Variants in FAT3 observed in about 807,000 individuals in gnomAD.
FAT3 encodes the protein protocadherin Fat 3.
A neutral mutation model predicts 310.2 loss-of-function variants in FAT3; 95 were observed. The ratio of observed to expected loss-of-function variants is 0.31; its 90% CI spans 0.26 to 0.36. The LOEUF is 0.36. FAT3 is among the 10% of genes least tolerant of loss of function. The probability of loss-of-function intolerance (pLI) is 1.00; values close to 1 mark genes in which losing one functional copy is unlikely to be tolerated. For synonymous variants in FAT3, 2,314 were observed against 2,192.9 expected (o/e 1.06, Z -1.54); for missense variants, 5,408 against 5,715.6 (o/e 0.95, Z 1.74).
At chr11:92,541,107 T>A (rs1954435124) in intron 3 of FAT3, among the ~76,000 whole-genome samples, 1 of 152,218 alleles carries the variant, frequency 6.6e-6, no homozygotes, top group African/African-American at 2.4e-5. Flanking sequence ...ACTCATTCAT[T>A]TATTCGCTCA....
rs2136411633 is a variant in FAT3 at position 92,882,971 on chromosome 11, T to A, written c.12515T>A (p.Phe4172Tyr). 1 of 1,613,918 alleles carries A rather than the reference T, an allele frequency of 6.2e-7. No individual in the cohort carries two copies. The highest frequency in any genetic ancestry group is 8.5e-7 in the Non-Finnish European group (1 of 1,179,852). Residue 4172 changes from phenylalanine (F) to tyrosine (Y), a missense_variant, in exon 24 of 28, where the codon TTC (phenylalanine) becomes TAC (tyrosine). Physicochemically the swap from Phe to Tyr is conservative, Grantham distance 22 (BLOSUM62 3). This residue lies in a region of FAT3 where 649 missense variants were observed against 666.2 expected (regional missense o/e 0.97). Transcript: ENST00000525166. ...GTCATCTTCATCCTGGTGGTTCTCT[T>A]CATAGTCTTCCGCAAGAAGGTCTTC... ...LFVIFILVVLFIVFRKKVFRK... is the reference protein window; with the variant it reads ...LFVIFILVVLYIVFRKKVFRK...
chr11:92,587,374 G>C (rs1306804226), intron 3 of FAT3, among the ~76,000 whole-genome samples: 3 of 151,968 alleles, frequency 2.0e-5, no homozygotes, highest in Non-Finnish European at 2.9e-5. Context: ...AAGGTGCTAT[G>C]ATCAATATTC....
intron 1 of FAT3, among the ~76,000 whole-genome samples, chr11:92,323,689 G>A (rs1235485879): frequency 6.7e-6 from 1 of 148,690 alleles, no homozygotes; most frequent in East Asian, 2.0e-4. Flanking sequence ...TTGTTCTATC[G>A]ACAGTGAACA....
chr11:92,482,874 G>A (rs1384981166), intron 2 of FAT3, among the ~76,000 whole-genome samples: 1 of 152,134 alleles, frequency 6.6e-6, no homozygotes, highest in East Asian at 1.9e-4. Context: ...TAGGTTTCTG[G>A]GATTTATAAC....
At chr11:92,784,676 CTTTG>C (rs1264888148) in intron 7 of FAT3, among the ~76,000 whole-genome samples, 2 of 152,126 alleles carry the variant, frequency 1.3e-5, no homozygotes, top group Non-Finnish European at 2.9e-5. Context: ...AGTTACTTTG[CTTTG>C]TTTGTTAGTT....
At position 92,230,718 on chromosome 11, in the gene FAT3, T is replaced by C. The variant is rs185156212; in HGVS notation, c.-18+5544T>C. 2.6e-3 allele frequency among the ~76,000 whole-genome samples: 399 copies of C among 152,354 alleles called. 2 individuals are homozygous for C. The highest frequency in any genetic ancestry group is 9.1e-3 in the African/African-American group (378 of 41,584). The stretch of plus-strand genomic sequence containing the variant: ...GTAAAATATATCCATTGCTTCTGCT[T>C]CGTGCTGTTTATTGAGAAAATGAGA... On this transcript the variant is annotated intron_variant, in intron 1 of 27. Transcript: ENST00000525166.
rs188461065 is a variant in FAT3 at position 92,886,060 on chromosome 11, T to C, written c.12938-940T>C. Among the ~76,000 whole-genome samples the C allele has an allele frequency of 3.3e-4, 50 of 152,344 alleles. 1 individual carries two copies. The Middle Eastern group carries it at 0.024, about 73-fold the overall frequency. On this transcript the variant is annotated intron_variant, in intron 24 of 27. Coordinates refer to ENST00000525166, the MANE Select transcript of FAT3 (RefSeq NM_001367949.2). Reference sequence around the variant, plus strand: ...TATCTCTTTGTACCATTGCGTTACATGATGATTTGCAGCTCTTCCTGGTGA... The same window carrying C: ...TATCTCTTTGTACCATTGCGTTACACGATGATTTGCAGCTCTTCCTGGTGA...
In FAT3 at chr11:92,798,102, A is replaced by T. The variant is rs373472413; in HGVS notation, c.5089A>T (p.Ser1697Cys). The T allele has an allele frequency of 2.5e-6, 4 of 1,613,842 alleles. No individual in the cohort carries two copies. Among genetic ancestry groups the T allele is most frequent in the Non-Finnish European group, 3.4e-6 (4 of 1,179,876 alleles). The change falls in exon 10 of 28, where the codon AGT becomes TGT. Residue 1697 changes from serine (S) to cysteine (C), a missense_variant. Around this residue, in one of 5 missense-constraint regions of FAT3, gnomAD observed 4,588 missense variants for 4,809.8 expected, o/e 0.95. Coordinates refer to ENST00000525166, the MANE Select transcript of FAT3 (RefSeq NM_001367949.2). ...GTSVILISAI[S>C]QSTLIYEVKD... ...ATCAGTCATTCTAATCTCTGCCATCAGTCAATCTACCCTCATTTATGAAGT... is the reference window on the plus strand; with the variant it reads ...ATCAGTCATTCTAATCTCTGCCATCTGTCAATCTACCCTCATTTATGAAGT...
chr11:92,448,771 C>T (rs1472534657), intron 2 of FAT3, among the ~76,000 whole-genome samples: 3 of 152,188 alleles, frequency 2.0e-5, no homozygotes, highest in Admixed American at 6.5e-5. Flanking sequence ...TCCTTTCTCC[C>T]TGCTCTTTTG....
At chr11:92,335,546 CT>C (rs1444669958) in intron 1 of FAT3, among the ~76,000 whole-genome samples, 9 of 152,060 alleles carry the variant, frequency 5.9e-5, no homozygotes, top group African/African-American at 1.9e-4. Context: ...TATAAAAAAC[CT>C]TAAAAGTACC....
intron 1 of FAT3, among the ~76,000 whole-genome samples, chr11:92,307,998 G>A (rs756414612): frequency 2.0e-5 from 3 of 151,720 alleles, no homozygotes; most frequent in Non-Finnish European, 1.5e-5. Context: ...TTAACCAGAT[G>A]TAAACCTAGC....
chr11:92,652,415 G>A (rs1942413098), intron 3 of FAT3, among the ~76,000 whole-genome samples: 1 of 152,130 alleles, frequency 6.6e-6, no homozygotes, highest in Admixed American at 6.5e-5. Flanking sequence ...AAACTGACTT[G>A]CTTTTAAGAA....
At chr11:92,625,525 T>C (rs1335802506) in intron 3 of FAT3, among the ~76,000 whole-genome samples, 1 of 152,156 alleles carries the variant, frequency 6.6e-6, no homozygotes, top group Non-Finnish European at 1.5e-5. Flanking sequence ...AATCATACTG[T>C]CAGCTGGAGC....
chr11:92,856,730 CT>C (rs1948988231), intron 19 of FAT3, among the ~76,000 whole-genome samples: 1 of 152,042 alleles, frequency 6.6e-6, no homozygotes, highest in South Asian at 2.1e-4. Context: ...TCATACTTTT[CT>C]TTAGAAATGT....
At chr11:92,794,827 CACAG>C (rs897898332) in intron 9 of FAT3, among the ~76,000 whole-genome samples, 1 of 152,206 alleles carries the variant, frequency 6.6e-6, no homozygotes, top group African/African-American at 2.4e-5. Flanking sequence ...CAGGGCTCTT[CACAG>C]ACAGACAGAC....
intron 2 of FAT3, among the ~76,000 whole-genome samples, chr11:92,445,160 G>C (rs906558338): frequency 6.6e-6 from 1 of 152,156 alleles, no homozygotes; most frequent in Non-Finnish European, 1.5e-5. Context: ...AATAAAATAC[G>C]TTATTTAAGA....
At chr11:92,464,210 C>T (rs1026308087) in intron 2 of FAT3, among the ~76,000 whole-genome samples, 2 of 152,134 alleles carry the variant, frequency 1.3e-5, no homozygotes, top group African/African-American at 4.8e-5. Flanking sequence ...TAACATTCCC[C>T]ACAAGTGGTG....
At chr11:92,331,320 A>C (rs1401343685) in intron 1 of FAT3, among the ~76,000 whole-genome samples, 2 of 151,870 alleles carry the variant, frequency 1.3e-5, no homozygotes, top group Non-Finnish European at 2.9e-5. Context: ...GTTTCATGAA[A>C]ACCTCTCTGA....
At chr11:92,825,456 G>A (rs1432891393) in intron 13 of FAT3, among the ~76,000 whole-genome samples, 2 of 152,200 alleles carry the variant, frequency 1.3e-5, no homozygotes, top group Non-Finnish European at 2.9e-5. Context: ...TAAGGAAGCT[G>A]TTCCAGAGGA....
Sources: allele counts gnomAD v4.1 joint callset (sites outside exome capture counted in the v4.1 genomes callset), GRCh38; gene constraint gnomAD v4.1.1; regional missense constraint gnomAD v4.1.1; transcripts MANE v1.5; gene names NCBI Gene and HGNC (gene_info 2026-07-23, HGNC 2026-07-21).